C8A: variants seen among roughly 807,000 people sequenced by gnomAD.
C8A encodes the protein complement component C8 alpha chain.
C8A carries 67 observed loss-of-function variants against 65.3 expected under a neutral mutation model. The ratio of observed to expected loss-of-function variants is 1.03; its 90% CI spans 0.84 to 1.26. C8A has a LOEUF of 1.26. Ranked by LOEUF, C8A falls within the 50% of genes most tolerant of loss-of-function variation. The pLI is 0.00. For missense variants in C8A, 781 were observed against 723.9 expected, an observed-to-expected ratio of 1.08 and a Z score of -0.90; for synonymous variants, 290 against 259.4, an observed-to-expected ratio of 1.12 and a Z score of -1.13.
intron 7 of C8A, among the ~76,000 whole-genome samples, chr1:56,894,569 A>G (rs1035281113): frequency 1.3e-5 from 2 of 152,078 alleles, no homozygotes; most frequent in African/African-American, 4.8e-5. Context: ...GGGCTTGTGG[A>G]CCAGCCAGTC....
At chr1:56,879,245 G>T (rs1407058886) in intron 4 of C8A, among the ~76,000 whole-genome samples, 1 of 152,102 alleles carries the variant, frequency 6.6e-6, no homozygotes, top group Admixed American at 6.6e-5. Flanking sequence ...CCTATTGAAA[G>T]AGAATTAGAT....
intron 1 of C8A, among the ~76,000 whole-genome samples, chr1:56,856,335 G>C (rs1476244007): frequency 1.3e-5 from 2 of 152,092 alleles, no homozygotes; most frequent in African/African-American, 4.8e-5. Context: ...ACAATGGGAG[G>C]AAAGTAAGAA....
At chr1:56,864,011 G>A (rs2101193218) in intron 1 of C8A, among the ~76,000 whole-genome samples, 1 of 152,028 alleles carries the variant, frequency 6.6e-6, no homozygotes, top group African/African-American at 2.4e-5. Flanking sequence ...TGGGAACTCT[G>A]TAGCAAATAT....
rs749327487 is a variant in C8A, at chr1:56,855,704, G to A, written c.77+726G>A. Among the ~76,000 whole-genome samples, 10 of 149,922 alleles carry A rather than the reference G, an allele frequency of 6.7e-5. 1 individual carries two copies. Among genetic ancestry groups the A allele is most frequent in the Middle Eastern group, 6.9e-3 (2 of 290 alleles). ...CTAAGCAGTCCTTTATTTCACCTTC[G>A]GGATAGCTTTAAAGCAATCCCTGTC... On this transcript the variant is annotated intron_variant, in intron 1 of 10. Coordinates refer to ENST00000361249, the MANE Select transcript of C8A (RefSeq NM_000562.3).
chr1:56,887,346 C>T (rs939792740), intron 7 of C8A, among the ~76,000 whole-genome samples: 8 of 152,160 alleles, frequency 5.3e-5, no homozygotes, highest in African/African-American at 1.9e-4. Flanking sequence ...CCTGTTTCTC[C>T]ACATCCTCTC....
intron 1 of C8A, among the ~76,000 whole-genome samples, chr1:56,861,007 T>G (rs1450141091): frequency 6.6e-6 from 1 of 152,188 alleles, no homozygotes; most frequent in African/African-American, 2.4e-5. Flanking sequence ...TACCTGAAGC[T>G]GTGTAGTTTA....
chr1:56,858,658 G>A (rs904274834), intron 1 of C8A, among the ~76,000 whole-genome samples: 2 of 152,188 alleles, frequency 1.3e-5, no homozygotes, highest in East Asian at 3.8e-4. Flanking sequence ...ATTTTTAATA[G>A]TAGTCCAGAA....
At chr1:56,862,333 A>G (rs1341283799) in intron 1 of C8A, among the ~76,000 whole-genome samples, 1 of 151,578 alleles carries the variant, frequency 6.6e-6, no homozygotes, top group Non-Finnish European at 1.5e-5. Flanking sequence ...CGGTGTTTCA[A>G]CTGTGTTACA....
At chr1:56,858,143 G>A (rs1643996049) in intron 1 of C8A, among the ~76,000 whole-genome samples, 2 of 151,788 alleles carry the variant, frequency 1.3e-5, no homozygotes, top group African/African-American at 4.8e-5. Flanking sequence ...TCAAATATTG[G>A]AGCATATTTA....
chr1:56,854,814 C>G lies in C8A; in HGVS notation c.-88C>G, dbSNP rs114991676. Reference sequence around the variant, plus strand: ...CCAACATCAGATAGATCTTACAGGTCCCAGCCTGTAGACATCTTTTACTCC... The same window carrying G: ...CCAACATCAGATAGATCTTACAGGTGCCAGCCTGTAGACATCTTTTACTCC... On this transcript the variant is annotated 5_prime_UTR_variant, in exon 1 of 11. Coordinates refer to ENST00000361249, the MANE Select transcript of C8A (RefSeq NM_000562.3). The G allele has an allele frequency of 0.015, 15,989 of 1,091,060 alleles. 597 individuals are homozygous for G. The highest frequency in any genetic ancestry group is 0.11 in the South Asian group (8,355 of 75,172). The allele number at this position is 1,091,060 out of a possible 1,614,324, so 67.6% of individuals were successfully genotyped here.
chr1:56,906,919 G>A, intron 8 of C8A, 127 bp downstream of exon 8: 2 of 1,088,724 alleles, frequency 1.8e-6, no homozygotes, highest in Non-Finnish European at 1.4e-6. Context: ...CTGCATAGAC[G>A]CTAAATACCC....
chr1:56,867,781 C>G (rs1034505745), intron 2 of C8A, 79 bp downstream of exon 2: 18 of 1,060,500 alleles, frequency 1.7e-5, no homozygotes, highest in Non-Finnish European at 2.6e-5. Context: ...TTAAGCAGTC[C>G]ACTATGTCTA....
intron 1 of C8A, among the ~76,000 whole-genome samples, chr1:56,863,748 G>T (rs1306789922): frequency 6.6e-6 from 1 of 152,112 alleles, no homozygotes; most frequent in Non-Finnish European, 1.5e-5. Context: ...ATTTAATTTA[G>T]ATTATAAGAA....
chr1:56,910,047 C>T (rs1157245001), intron 9 of C8A, among the ~76,000 whole-genome samples: 2 of 152,060 alleles, frequency 1.3e-5, no homozygotes, highest in Admixed American at 1.3e-4. Context: ...AGAGAATGCT[C>T]ACAGGGAAAT....
intron 1 of C8A, among the ~76,000 whole-genome samples, chr1:56,865,320 G>T (rs182750224): frequency 6.6e-6 from 1 of 152,208 alleles, no homozygotes; most frequent in African/African-American, 2.4e-5. Flanking sequence ...AGACTGGGAA[G>T]TCCAAGATCA....
At chr1:56,870,455 C>G (rs1402444404) in intron 2 of C8A, among the ~76,000 whole-genome samples, 1 of 152,088 alleles carries the variant, frequency 6.6e-6, no homozygotes, top group East Asian at 1.9e-4. Flanking sequence ...GTGTCTTCTC[C>G]TCTGTGTATC....
At chr1:56,894,509 A>G (rs1557709978) in intron 7 of C8A, among the ~76,000 whole-genome samples, 1 of 152,204 alleles carries the variant, frequency 6.6e-6, no homozygotes, top group Non-Finnish European at 1.5e-5. Flanking sequence ...AGACCCTTCC[A>G]GCAAGAGTTC....
In C8A at chr1:56,867,718, C is replaced by A; in HGVS notation, c.171+16C>A. The A allele has an allele frequency of 1.3e-6, 2 of 1,591,488 alleles. No homozygotes were observed. Among genetic ancestry groups the A allele is most frequent in the Non-Finnish European group, 1.7e-6 (2 of 1,159,728 alleles). On this transcript the variant is annotated intron_variant, in intron 2 of 10. Transcript: ENST00000361249. ...GGACAAAAAGGTGAGACACTTACAA[C>A]CGGTTTGGGGGCATTTCATATTTGA...
intron 1 of C8A, among the ~76,000 whole-genome samples, chr1:56,858,636 G>A (rs1774903): frequency 0.013 from 1,969 of 152,204 alleles, 47 homozygotes; most frequent in African/African-American, 0.045. Flanking sequence ...CTTGGGCCAA[G>A]GCCATGTGAA....
Sources: gnomAD v4.1 joint callset for allele counts (sites outside exome capture counted in the v4.1 genomes callset) on GRCh38, gnomAD v4.1.1 for gene constraint, MANE v1.5 for transcripts, NCBI Gene and HGNC (gene_info 2026-07-23, HGNC 2026-07-21) for gene names.